The following TET1 variants were observed in gnomAD, a reference collection of about 807,000 sequenced individuals.
TET1 encodes methylcytosine dioxygenase TET1.
Under a neutral mutation model 148.7 loss-of-function variants are expected in TET1, and 13 were observed. The ratio of observed to expected loss-of-function variants is 0.09; its 90% CI spans 0.06 to 0.14. TET1 has a LOEUF of 0.14. TET1 is among the 10% of genes least tolerant of loss of function. The probability of loss-of-function intolerance (pLI) is 1.00; values close to 1 mark genes in which losing one functional copy is unlikely to be tolerated. For synonymous variants in TET1, 907 were observed against 937.2 expected (o/e 0.97, Z 0.59); for missense variants, 2,182 against 2,553.8 (o/e 0.85, Z 3.14).
chr10:68,600,780 G>A (rs2054044811), intron 2 of TET1, among the ~76,000 whole-genome samples: 1 of 152,188 alleles, frequency 6.6e-6, no homozygotes, highest in Non-Finnish European at 1.5e-5. Flanking sequence ...GTATTTCCCT[G>A]CTTCATCTTT....
At chr10:68,637,521 T>A (rs1008320086) in intron 3 of TET1, among the ~76,000 whole-genome samples, 1 of 145,866 alleles carries the variant, frequency 6.9e-6, no homozygotes. Flanking sequence ...TCCTATTCTT[T>A]TTTTTTTTTT....
At chr10:68,662,039 T>C (rs945756187) in intron 6 of TET1, among the ~76,000 whole-genome samples, 1 of 152,066 alleles carries the variant, frequency 6.6e-6, no homozygotes, top group Non-Finnish European at 1.5e-5. Context: ...CACACTCGTC[T>C]AACTTTTGTA....
At chr10:68,676,760 G>T (rs755988112) in intron 8 of TET1, among the ~76,000 whole-genome samples, 1 of 152,116 alleles carries the variant, frequency 6.6e-6, no homozygotes, top group South Asian at 2.1e-4. Flanking sequence ...TTCCCTAACT[G>T]AATAGATATA....
In TET1 at chr10:68,652,677, C is replaced by A. The variant is rs555436419; in HGVS notation, c.4461+83C>A. The A allele has an allele frequency of 4.3e-6, 4 of 930,538 alleles. No individual in the cohort carries two copies. The African/African-American group carries it at 5.1e-5, about 12-fold the overall frequency. The allele number at this position is 930,538 out of a possible 1,614,324, so 57.6% of individuals were successfully genotyped here. A position where few individuals can be genotyped will look rare whatever the true frequency, so the allele number is the denominator to read the frequency against. Reference sequence around the variant, plus strand: ...ATACATTTACAATAGCCAGAGTGATCTTTATTTTATTTATTCATTTATTTA... The same window carrying A: ...ATACATTTACAATAGCCAGAGTGATATTTATTTTATTTATTCATTTATTTA... On this transcript the variant is annotated intron_variant, in intron 6 of 11. Coordinates refer to ENST00000373644, the MANE Select transcript of TET1 (RefSeq NM_030625.3).
intron 2 of TET1, among the ~76,000 whole-genome samples, chr10:68,580,769 C>T (rs1294209765): frequency 2.9e-4 from 34 of 117,450 alleles, no homozygotes; most frequent in African/African-American, 9.4e-4. Context: ...GCAACAAGAG[C>T]GAAACTCCAT....
chr10:68,611,594 A>G (rs7071630), intron 3 of TET1, among the ~76,000 whole-genome samples: 42,755 of 151,836 alleles, frequency 0.28, 6,616 homozygotes, highest in African/African-American at 0.4. Flanking sequence ...CCAGGCTGCA[A>G]TGAGTTGTAA....
chr10:68,684,375 CTTT>C (rs5785868), intron 10 of TET1, among the ~76,000 whole-genome samples: 1 of 139,478 alleles, frequency 7.2e-6, no homozygotes, highest in African/African-American at 2.6e-5. Flanking sequence ...GCCACAACAA[CTTT>C]TTTTTTTTTT....
intron 3 of TET1, among the ~76,000 whole-genome samples, chr10:68,617,885 C>A (rs936759039): frequency 2.6e-5 from 4 of 152,014 alleles, no homozygotes; most frequent in Non-Finnish European, 5.9e-5. Flanking sequence ...TATCTTGTAC[C>A]ATGTTACCTT....
intron 8 of TET1, 90 bp from the exon 9 acceptor site, chr10:68,681,309 C>A: frequency 1.4e-6 from 1 of 740,550 alleles, no homozygotes; most frequent in Non-Finnish European, 2.3e-6. Flanking sequence ...TGTGCATTAA[C>A]CACCATCAGC....
At chr10:68,664,889 C>T (rs959555944) in intron 6 of TET1, among the ~76,000 whole-genome samples, 1 of 151,870 alleles carries the variant, frequency 6.6e-6, no homozygotes, top group African/African-American at 2.4e-5. Context: ...ATCCTCCCCC[C>T]TCAGCCTTCT....
chr10:68,572,106 A>G, intron 1 of TET1, 111 bp from the exon 2 acceptor site: 1 of 440,876 alleles, frequency 2.3e-6, no homozygotes, highest in East Asian at 4.0e-5. Flanking sequence ...CAACAGAATG[A>G]GACCCTGTCT....
chr10:68,665,773 A>G (rs533937194), intron 6 of TET1, among the ~76,000 whole-genome samples: 15 of 152,234 alleles, frequency 9.9e-5, no homozygotes, highest in African/African-American at 3.1e-4. Context: ...ACGTATAAAT[A>G]TAGAAAAAAT....
chr10:68,691,950 A>C lies in TET1; in HGVS notation c.*136A>C. ...CTGAGGTAAAAAAATAATAATGATA[A>C]CAAAACGGGGTGGGTATTCTTAACT... is the stretch of plus-strand genomic sequence containing the variant. On this transcript the variant is annotated 3_prime_UTR_variant, in exon 12 of 12. Coordinates refer to ENST00000373644, the MANE Select transcript of TET1 (RefSeq NM_030625.3). The surrounding 1 kb of genome is among the most constrained non-coding windows in gnomAD (Gnocchi z 4.4). The C allele has an allele frequency of 9.4e-7, 1 of 1,065,302 alleles. No individual in the cohort carries two copies. The highest frequency in any genetic ancestry group is 1.3e-6 in the Non-Finnish European group (1 of 752,384). 66.0% of individuals were successfully genotyped at this position (1,065,302 alleles called of 1,614,324 possible).
chr10:68,595,989 C>CCAT (rs1432365479), intron 2 of TET1, among the ~76,000 whole-genome samples: 7,088 of 67,058 alleles, frequency 0.11, 642 homozygotes, highest in Non-Finnish European at 0.15. Context: ...TATATACACA[C>CCAT]ACACACACAC....
At chr10:68,634,147 G>T (rs2054616933) in intron 3 of TET1, among the ~76,000 whole-genome samples, 1 of 152,032 alleles carries the variant, frequency 6.6e-6, no homozygotes. Context: ...GGCCTCCCAA[G>T]GTGCTGGCTG....
chr10:68,656,908 C>G (rs1304097942), intron 6 of TET1, among the ~76,000 whole-genome samples: 2 of 151,924 alleles, frequency 1.3e-5, no homozygotes, highest in African/African-American at 4.8e-5. Context: ...TGCCTATAGT[C>G]CCAGCTACTC....
intron 6 of TET1, among the ~76,000 whole-genome samples, chr10:68,665,871 T>A (rs1156328003): frequency 6.6e-6 from 1 of 152,170 alleles, no homozygotes; most frequent in East Asian, 1.9e-4. Context: ...GTTAACCATC[T>A]GGAGTGACAG....
chr10:68,693,261 A>G lies in TET1; in HGVS notation c.*1447A>G, dbSNP rs2055616403. The G allele has an allele frequency of 8.6e-6, 2 of 232,928 alleles. No individual in the cohort carries two copies. Among genetic ancestry groups the G allele is most frequent in the African/African-American group, 4.4e-5 (2 of 45,260 alleles). 14.4% of individuals were successfully genotyped at this position (232,928 alleles called of 1,614,324 possible). A position where few individuals can be genotyped will look rare whatever the true frequency, so the allele number is the denominator to read the frequency against. On this transcript the variant is annotated 3_prime_UTR_variant, in exon 12 of 12. Transcript: ENST00000373644. ...CCCAAACAACATGTTTCGAACAAGGAGAATTTTCAATGAAATACTTGATTC... is the reference window on the plus strand; with the variant it reads ...CCCAAACAACATGTTTCGAACAAGGGGAATTTTCAATGAAATACTTGATTC...
chr10:68,673,536 T>C (rs1176814798), intron 8 of TET1: 2 of 270,148 alleles, frequency 7.4e-6, no homozygotes, highest in East Asian at 1.1e-4. Context: ...ATAAGTTCAA[T>C]ACTTATATAT....
Sources: gnomAD v4.1 joint callset for allele counts (sites outside exome capture counted in the v4.1 genomes callset) on GRCh38, gnomAD v4.1.1 for gene constraint, Gnocchi (gnomAD v3.1) non-coding constraint, MANE v1.5 for transcripts, NCBI Gene and HGNC (gene_info 2026-07-23, HGNC 2026-07-21) for gene names.